The following KIF3C variants were observed in gnomAD, a reference collection of about 807,000 sequenced individuals.
KIF3C encodes kinesin family member 3C, also known as kinesin-like protein KIF3C.
Under a neutral mutation model 67.7 loss-of-function variants are expected in KIF3C, and 12 were observed. The observed-to-expected ratio is 0.18, with a 90% CI of 0.11 to 0.29. The LOEUF is 0.29. KIF3C is among the 10% of genes least tolerant of loss of function. The pLI is 1.00. For synonymous variants in KIF3C, 393 were observed against 426.2 expected (o/e 0.92, Z 0.96); for missense variants, 789 against 1,059.6 (o/e 0.74, Z 3.55).
Position 25,930,540 on chromosome 2 carries a change from A to T in KIF3C, c.2007-477T>A, listed in dbSNP as rs529539182. Among the ~76,000 whole-genome samples, 11 of 151,540 alleles carry T rather than the reference A, an allele frequency of 7.3e-5. 2 individuals carry two copies. In the South Asian group the frequency reaches 2.3e-3, roughly 32 times the overall value. The stretch of plus-strand genomic sequence containing the variant: ...CACCTGGCTAATTTTACTTTATTTT[A>T]TTTTTTCTTTTTTTGAGACGAAGTT... On this transcript the variant is annotated intron_variant, in intron 5 of 7. Transcript: ENST00000264712.
At position 25,926,873 on chromosome 2, in the gene KIF3C, A is replaced by C. The variant is rs76707380; in HGVS notation, c.*2105T>G. 1.3e-3 allele frequency: 198 copies of C among 152,334 alleles called. No homozygotes were observed. Among genetic ancestry groups the C allele is most frequent in the African/African-American group, 4.4e-3 (182 of 41,584 alleles). 9.4% of individuals were successfully genotyped at this position (152,334 alleles called of 1,614,324 possible). A position where few individuals can be genotyped will look rare whatever the true frequency, so the allele number is the denominator to read the frequency against. On this transcript the variant is annotated 3_prime_UTR_variant, in exon 8 of 8. Transcript: ENST00000264712. ...TAGCAACACACGAGAATTTGGTCCT[A>C]ATCAAGGCCCTTACTTTGTCAATCA...
chr2:25,948,772 C>A (rs909027064), intron 5 of KIF3C, among the ~76,000 whole-genome samples: 58 of 149,870 alleles, frequency 3.9e-4, no homozygotes, highest in African/African-American at 1.4e-3. Flanking sequence ...GAAGGAAATT[C>A]ATAATCATTA....
intron 5 of KIF3C, among the ~76,000 whole-genome samples, chr2:25,945,841 G>A (rs1574483427): frequency 6.6e-6 from 1 of 152,314 alleles, no homozygotes; most frequent in African/African-American, 2.4e-5. Flanking sequence ...TGTGCACGGT[G>A]GCTCACGCCT....
At chr2:25,975,026 C>CAA (rs1196962529) in intron 1 of KIF3C, among the ~76,000 whole-genome samples, 3 of 116,516 alleles carry the variant, frequency 2.6e-5, no homozygotes, top group Middle Eastern at 4.5e-3. Flanking sequence ...AACTCCATCT[C>CAA]AAAAAAAAAA....
At chr2:25,954,498 G>A (rs1663752644) in intron 3 of KIF3C, 113 bp from the exon 4 acceptor site, 1 of 736,800 alleles carries the variant, frequency 1.4e-6, no homozygotes, top group Non-Finnish European at 2.3e-6. Context: ...AGCCCAGGAT[G>A]AGGCTGCGGG....
chr2:25,946,369 A>G (rs1036230719), intron 5 of KIF3C, among the ~76,000 whole-genome samples: 6 of 151,952 alleles, frequency 3.9e-5, no homozygotes, highest in African/African-American at 1.5e-4. Context: ...AGCCTGGCCA[A>G]CATGGTAAAA....
At chr2:25,962,795 A>ATAAAATATATG (rs1663988006) in intron 1 of KIF3C, among the ~76,000 whole-genome samples, 2 of 95,550 alleles carry the variant, frequency 2.1e-5, no homozygotes, top group African/African-American at 9.0e-5. Flanking sequence ...TATAATATAT[A>ATAAAATATATG]TTATATAATA....
rs756035510 is a variant in KIF3C, at chr2:25,981,642, C to T, written c.276G>A (p.Thr92=). ...TGCCCGTCTGGCCATAGGCAAACAC[C>T]GTGCCATTGAAACCCTGGAGCACGG... ...IDSVLQGFNG[T]VFAYGQTGTG... The change falls in exon 1 of 8, where the codon ACG becomes ACA. Residue 92 remains threonine (T), a synonymous_variant. Transcript: ENST00000264712. This position sits in a 1 kb window ranked among gnomAD's most constrained non-coding sequence, Gnocchi z 8.2. 1 of 1,614,166 alleles carries T rather than the reference C, an allele frequency of 6.2e-7. No individual in the cohort carries two copies. Among genetic ancestry groups the T allele is most frequent in the South Asian group, 1.1e-5 (1 of 91,088 alleles).
At chr2:25,939,925 G>C (rs1663240977) in intron 5 of KIF3C, among the ~76,000 whole-genome samples, 1 of 151,822 alleles carries the variant, frequency 6.6e-6, no homozygotes, top group Non-Finnish European at 1.5e-5. Flanking sequence ...ACTCCAGCCC[G>C]GGTGACAGAG....
At position 25,980,079 on chromosome 2, in the gene KIF3C, C is replaced by T. The variant is rs574948537; in HGVS notation, c.1545+294G>A. Among the ~76,000 whole-genome samples the T allele has an allele frequency of 9.9e-5, 15 of 152,172 alleles. No individual in the cohort carries two copies. Among genetic ancestry groups the T allele is most frequent in the Non-Finnish European group, 2.9e-5 (2 of 68,026 alleles). ...TGGCCATCCCACAGACCTGACTGAT[C>T]CTGAGGCCACCAGCAGGAAATGCCC... On this transcript the variant is annotated intron_variant, in intron 1 of 7. Coordinates refer to ENST00000264712, the MANE Select transcript of KIF3C (RefSeq NM_002254.8). This position sits in a 1 kb window ranked among gnomAD's most constrained non-coding sequence, Gnocchi z 7.6.
At chr2:25,936,869 A>G (rs987278253) in intron 5 of KIF3C, among the ~76,000 whole-genome samples, 10 of 152,238 alleles carry the variant, frequency 6.6e-5, no homozygotes, top group Non-Finnish European at 1.5e-4. Context: ...GAAAGGAAAG[A>G]AAACAAGAAA....
chr2:25,934,291 GA>G (rs1349883206), intron 5 of KIF3C: 3 of 412,978 alleles, frequency 7.3e-6, no homozygotes, highest in Non-Finnish European at 1.5e-5. Flanking sequence ...AAATGTTCTG[GA>G]ATTAGGCTGG....
At chr2:25,942,610 A>G (rs1477669853) in intron 5 of KIF3C, among the ~76,000 whole-genome samples, 1 of 151,978 alleles carries the variant, frequency 6.6e-6, no homozygotes, top group Non-Finnish European at 1.5e-5. Context: ...GGGTTTCTCC[A>G]TGTTGGTCAG....
chr2:25,944,699 A>G (rs932736515), intron 5 of KIF3C, among the ~76,000 whole-genome samples: 2 of 152,164 alleles, frequency 1.3e-5, no homozygotes, highest in African/African-American at 2.4e-5. Context: ...TTTTCTTCAC[A>G]TATGTTGTAC....
At chr2:25,972,388 T>C (rs1053577322) in intron 1 of KIF3C, among the ~76,000 whole-genome samples, 2 of 152,084 alleles carry the variant, frequency 1.3e-5, no homozygotes, top group South Asian at 2.1e-4. Context: ...GTCAAATCTT[T>C]GTGTTACAAA....
chr2:25,951,539 G>T (rs994746793), intron 5 of KIF3C: 1 of 426,232 alleles, frequency 2.3e-6, no homozygotes, highest in Non-Finnish European at 4.3e-6. Context: ...CCTCCCTCCC[G>T]AGATCCCTCA....
In KIF3C at chr2:25,954,352, T is replaced by C. The variant is rs1663744595; in HGVS notation, c.1804A>G (p.Ile602Val). Reference sequence around the variant, plus strand: ...ATATACTCATCATGCTGGTCCTGGATCTCCGCCTTCACCGCCTGCAGCTTG... The same window carrying C: ...ATATACTCATCATGCTGGTCCTGGACCTCCGCCTTCACCGCCTGCAGCTTG... The part of the protein sequence containing the change: ...YAKLQAVKAE[I>V]QDQHDEYIRV... Residue 602 changes from isoleucine to valine, a missense_variant, in exon 4 of 8, where the codon ATC becomes GTC. Physicochemically the swap from Ile to Val is conservative, Grantham distance 29. Coordinates refer to ENST00000264712, the MANE Select transcript of KIF3C (RefSeq NM_002254.8). 1 of 1,613,868 alleles carries C rather than the reference T, an allele frequency of 6.2e-7. No individual in the cohort carries two copies. The highest frequency in any genetic ancestry group is 1.3e-5 in the African/African-American group (1 of 74,918).
In KIF3C at chr2:25,956,423, TGAG is replaced by T. The variant is rs1663808962; in HGVS notation, c.1564_1566del (p.Leu522del). Reference sequence around the variant, plus strand: ...TGATCCATGATGTTCCTGCCCCCGATGAGGAGCTTGCTCTCCATGGCCTGGGGA... The same window carrying T: ...TGATCCATGATGTTCCTGCCCCCGATGAGCTTGCTCTCCATGGCCTGGGGA... On this transcript the variant is annotated inframe_deletion, in exon 2 of 8. Coordinates refer to ENST00000264712, the MANE Select transcript of KIF3C (RefSeq NM_002254.8). The T allele has an allele frequency of 1.2e-6, 2 of 1,613,952 alleles. No homozygotes were observed. Among genetic ancestry groups the T allele is most frequent in the Admixed American group, 1.7e-5 (1 of 60,004 alleles).
At position 25,955,477 on chromosome 2, in the gene KIF3C, A is replaced by G. The variant is rs1663782156; in HGVS notation, c.1770+64T>C. The G allele has an allele frequency of 6.3e-7, 1 of 1,583,112 alleles. No homozygotes were observed. Among genetic ancestry groups the G allele is most frequent in the South Asian group, 1.1e-5 (1 of 88,170 alleles). ...ATGGGGAGGAGTCCCTGAAGCACACATCCCTTGGGCAGAGACTGCTGGGCC... is the reference window on the plus strand; with the variant it reads ...ATGGGGAGGAGTCCCTGAAGCACACGTCCCTTGGGCAGAGACTGCTGGGCC... On this transcript the variant is annotated intron_variant, in intron 3 of 7. Transcript: ENST00000264712. The surrounding 1 kb of genome is among the most constrained non-coding windows in gnomAD (Gnocchi z 5.0).
Sources: allele counts gnomAD v4.1 joint callset (sites outside exome capture counted in the v4.1 genomes callset), GRCh38; gene constraint gnomAD v4.1.1; non-coding constraint Gnocchi (gnomAD v3.1); transcripts MANE v1.5; gene names NCBI Gene and HGNC (gene_info 2026-07-23, HGNC 2026-07-21).